The following USP25 variants were observed in gnomAD, a reference collection of about 807,000 sequenced individuals.
The protein encoded by USP25 is ubiquitin specific peptidase 25.
Under a neutral mutation model 158.5 loss-of-function variants are expected in USP25, and 85 were observed. The observed-to-expected ratio is 0.54, with a 90% confidence interval of 0.45 to 0.64. The LOEUF is 0.64. Among genes scored for constraint, USP25 ranks in the 30% least tolerant of loss-of-function variants. USP25 has a pLI of 0.00. For synonymous variants in USP25, 464 were observed against 460.4 expected, an observed-to-expected ratio of 1.01 and a Z score of -0.10; for missense variants, 1,242 against 1,327.3, an observed-to-expected ratio of 0.94 and a Z score of 1.00.
chr21:15,740,329 G>A (rs1568745050), intron 1 of USP25, among the ~76,000 whole-genome samples: 1 of 152,116 alleles, frequency 6.6e-6, no homozygotes, highest in Admixed American at 6.6e-5. Flanking sequence ...TGACTGCAGG[G>A]GTCCTTTAGG....
At chr21:15,830,643 T>C in intron 15 of USP25, 42 bp downstream of exon 15, 1 of 1,418,540 alleles carries the variant, frequency 7.0e-7, no homozygotes, top group Non-Finnish European at 9.7e-7. Flanking sequence ...CAAAATTATT[T>C]ACATATATTT....
At chr21:15,841,114 A>G (rs2038312693) in intron 17 of USP25, among the ~76,000 whole-genome samples, 1 of 152,158 alleles carries the variant, frequency 6.6e-6, no homozygotes, top group African/African-American at 2.4e-5. Context: ...TACACATTGT[A>G]AGCATCCTCA....
intron 1 of USP25, among the ~76,000 whole-genome samples, chr21:15,742,354 T>C (rs2032144580): frequency 6.6e-6 from 1 of 152,154 alleles, no homozygotes; most frequent in Non-Finnish European, 1.5e-5. Flanking sequence ...AGGAATGATG[T>C]ACCATTAGTG....
intron 22 of USP25, among the ~76,000 whole-genome samples, chr21:15,868,400 C>G (rs929924086): frequency 6.6e-6 from 1 of 152,114 alleles, no homozygotes; most frequent in African/African-American, 2.4e-5. Flanking sequence ...CCCTTGTCCC[C>G]AAGATTCGTG....
intron 7 of USP25, among the ~76,000 whole-genome samples, chr21:15,807,498 T>C (rs976864187): frequency 6.6e-6 from 1 of 152,186 alleles, no homozygotes; most frequent in Non-Finnish European, 1.5e-5. Context: ...TATTCTCTAA[T>C]AGTTCTAGAG....
At chr21:15,820,413 CT>C (rs1177060397) in intron 10 of USP25, among the ~76,000 whole-genome samples, 1 of 151,818 alleles carries the variant, frequency 6.6e-6, no homozygotes, top group African/African-American at 2.4e-5. Flanking sequence ...CTGAATGCCC[CT>C]ATGTTGCAAT....
intron 19 of USP25, among the ~76,000 whole-genome samples, chr21:15,848,701 G>A (rs1050389160): frequency 2.0e-5 from 3 of 152,082 alleles, no homozygotes; most frequent in Non-Finnish European, 2.9e-5. Context: ...AAAGTCAGAA[G>A]TGTCATAAAG....
intron 3 of USP25, chr21:15,773,209 T>G (rs2034454275): frequency 1.3e-5 from 2 of 152,276 alleles, no homozygotes; most frequent in Non-Finnish European, 2.9e-5. Context: ...CTATTGGAGA[T>G]GCCTGGAGTG....
At chr21:15,854,780 G>A (rs1318693621) in intron 20 of USP25, among the ~76,000 whole-genome samples, 1 of 152,040 alleles carries the variant, frequency 6.6e-6, no homozygotes, top group African/African-American at 2.4e-5. Flanking sequence ...ATCATCCCAC[G>A]TGAACGTCTA....
intron 23 of USP25, among the ~76,000 whole-genome samples, chr21:15,871,183 TCTTAAGTA>T (rs1181138711): frequency 1.3e-5 from 2 of 152,224 alleles, no homozygotes; most frequent in East Asian, 1.9e-4. Flanking sequence ...TAACAATTTG[TCTTAAGTA>T]CTTAAGTACA....
intron 6 of USP25, among the ~76,000 whole-genome samples, chr21:15,803,970 A>T (rs1052143972): frequency 6.6e-6 from 1 of 152,014 alleles, no homozygotes; most frequent in African/African-American, 2.4e-5. Context: ...GAGAATGCCA[A>T]CTGTGTAAAT....
intron 1 of USP25, among the ~76,000 whole-genome samples, chr21:15,737,383 T>C (rs1223869818): frequency 6.6e-6 from 1 of 152,144 alleles, no homozygotes; most frequent in African/African-American, 2.4e-5. Context: ...TTCCTGCAAA[T>C]ATATTTTCAT....
rs1304333741 is a variant in USP25, at chr21:15,846,149, TATA to T, written c.2338-1513_2338-1511del. Among the ~76,000 whole-genome samples, 59 of 69,768 alleles carry T rather than the reference TATA, an allele frequency of 8.5e-4. 1 individual carries two copies. The highest frequency in any genetic ancestry group is 4.2e-3 in the African/African-American group (44 of 10,476). 45.8% of individuals were successfully genotyped at this position (69,768 alleles called of 152,430 possible). ...ATATATATATATATATATATATATA[TATA>T]TATATATTTTTTTTTTTTTTTTTTT... On this transcript the variant is annotated intron_variant, in intron 18 of 25. Coordinates refer to ENST00000400183, the MANE Select transcript of USP25 (RefSeq NM_001283041.3).
At chr21:15,740,657 T>G (rs906670642) in intron 1 of USP25, among the ~76,000 whole-genome samples, 3,142 of 131,220 alleles carry the variant, frequency 0.024, 108 homozygotes, top group African/African-American at 0.1. Flanking sequence ...TTTTTTTTTT[T>G]TTTTTTTTTT....
intron 20 of USP25, among the ~76,000 whole-genome samples, chr21:15,855,394 A>C (rs2039085456): frequency 6.6e-6 from 1 of 152,212 alleles, no homozygotes; most frequent in Non-Finnish European, 1.5e-5. Flanking sequence ...GTTGAAAAGT[A>C]CAACTCGGTG....
chr21:15,751,253 A>G (rs1841308077), intron 1 of USP25, among the ~76,000 whole-genome samples: 1 of 152,178 alleles, frequency 6.6e-6, no homozygotes, highest in Non-Finnish European at 1.5e-5. Context: ...TCCTGCCAGT[A>G]GCTCTTTTGA....
At chr21:15,732,262 ATTTT>A (rs941206434) in intron 1 of USP25, among the ~76,000 whole-genome samples, 1 of 151,866 alleles carries the variant, frequency 6.6e-6, no homozygotes, top group East Asian at 1.9e-4. Context: ...GTTATTGGGG[ATTTT>A]TTTTAGAGAA....
At chr21:15,779,519 T>C (rs941031048) in intron 4 of USP25, among the ~76,000 whole-genome samples, 8 of 151,950 alleles carry the variant, frequency 5.3e-5, no homozygotes, top group Non-Finnish European at 1.0e-4. Flanking sequence ...TGTGAGCTTA[T>C]ATACCCAATT....
chr21:15,730,446 G>T lies in USP25; in HGVS notation c.45+8G>T. 7.4e-7 allele frequency: 1 copy of T among 1,357,866 alleles called. No homozygotes were observed. The allele number at this position is 1,357,866 out of a possible 1,614,324, so 84.1% of individuals were successfully genotyped here. A position where few individuals can be genotyped will look rare whatever the true frequency, so the allele number is the denominator to read the frequency against. ...CAGAGCGCGGCGCAGAAGGTGAGGC[G>T]AGTCCGCCAGCCGGCGGGCCCCACT... is the stretch of plus-strand genomic sequence containing the variant. On this transcript the variant is annotated splice_region_variant and intron_variant, in intron 1 of 25. Coordinates refer to ENST00000400183, the MANE Select transcript of USP25 (RefSeq NM_001283041.3).
Sources: gnomAD v4.1 joint callset for allele counts (sites outside exome capture counted in the v4.1 genomes callset) on GRCh38, gnomAD v4.1.1 for gene constraint, MANE v1.5 for transcripts, NCBI Gene and HGNC (gene_info 2026-07-23, HGNC 2026-07-21) for gene names.